Variants in RIC1 observed in about 807,000 individuals in gnomAD.
RIC1 encodes guanine nucleotide exchange factor subunit RIC1.
Under a neutral mutation model 169.0 loss-of-function variants are expected in RIC1, and 88 were observed. That is an observed-to-expected ratio of 0.52 (90% CI 0.44 to 0.62). The LOEUF (loss-of-function observed/expected upper bound fraction) is 0.62, where lower values mean the gene tolerates loss of function less well. Among genes scored for constraint, RIC1 ranks in the 20% least tolerant of loss-of-function variants. RIC1 has a pLI of 0.00. For missense variants in RIC1, 1,877 were observed against 1,725.5 expected, an observed-to-expected ratio of 1.09 and a Z score of -1.56; for synonymous variants, 790 against 601.5, an observed-to-expected ratio of 1.31 and a Z score of -4.59.
chr9:5,774,742 G>A lies in RIC1; in HGVS notation c.*496G>A, dbSNP rs973208605. 2.0e-5 allele frequency: 3 copies of A among 152,664 alleles called. No homozygotes were observed. The highest frequency in any genetic ancestry group is 2.0e-4 in the Admixed American group (3 of 15,360). The allele number at this position is 152,664 out of a possible 1,614,324, so 9.5% of individuals were successfully genotyped here. ...GTCCTCCTGAATAGATTGCTACCCTGGGGCACAATATGTGCCAGTGTGATG... is the reference window on the plus strand; with the variant it reads ...GTCCTCCTGAATAGATTGCTACCCTAGGGCACAATATGTGCCAGTGTGATG... On this transcript the variant is annotated 3_prime_UTR_variant, in exon 26 of 26. Coordinates refer to ENST00000414202, the MANE Select transcript of RIC1 (RefSeq NM_020829.4).
At chr9:5,752,165 A>T (rs1479001790) in intron 12 of RIC1, among the ~76,000 whole-genome samples, 1 of 152,218 alleles carries the variant, frequency 6.6e-6, no homozygotes. Context: ...TGTTAGGGTG[A>T]TACAAAGACA....
chr9:5,722,757 T>C (rs1335239887), intron 6 of RIC1, among the ~76,000 whole-genome samples: 1 of 151,992 alleles, frequency 6.6e-6, no homozygotes, highest in Non-Finnish European at 1.5e-5. Context: ...CCACCTTGTG[T>C]CCAAGTGTTC....
intron 2 of RIC1, among the ~76,000 whole-genome samples, chr9:5,688,523 A>G (rs142948399): frequency 6.6e-6 from 1 of 152,158 alleles, no homozygotes; most frequent in East Asian, 1.9e-4. Context: ...TTTTGCTTCC[A>G]TACTCTCCAT....
At chr9:5,768,813 CGGA>C (rs1268910293) in intron 21 of RIC1, among the ~76,000 whole-genome samples, 154 bp from the exon 22 acceptor site, 2 of 152,142 alleles carry the variant, frequency 1.3e-5, no homozygotes, top group African/African-American at 4.8e-5. Context: ...TGGTGTAACA[CGGA>C]GGAGAAGCGT....
intron 2 of RIC1, among the ~76,000 whole-genome samples, chr9:5,682,745 G>T (rs532637897): frequency 3.2e-4 from 48 of 152,346 alleles, no homozygotes; most frequent in African/African-American, 1.1e-3. Context: ...ATAATATCCT[G>T]CAGAGTGTTT....
At chr9:5,773,120 C>G in intron 25 of RIC1, 40 bp downstream of exon 25, 3 of 1,392,378 alleles carry the variant, frequency 2.2e-6, no homozygotes, top group Non-Finnish European at 1.9e-6. Context: ...CCTTCCATGT[C>G]TTTTGGTGAA....
chr9:5,749,115 T>C (rs2131013025), intron 12 of RIC1, among the ~76,000 whole-genome samples: 1 of 152,354 alleles, frequency 6.6e-6, no homozygotes, highest in South Asian at 2.1e-4. Context: ...AGAAGTTATA[T>C]GACTTGTCCA....
intron 2 of RIC1, among the ~76,000 whole-genome samples, chr9:5,676,717 C>T (rs766714953): frequency 1.3e-5 from 2 of 152,184 alleles, no homozygotes; most frequent in Non-Finnish European, 2.9e-5. Context: ...AGAATCCCCA[C>T]CTCTCTCAAA....
At chr9:5,739,003 G>A (rs1824905811) in intron 8 of RIC1, among the ~76,000 whole-genome samples, 1 of 152,092 alleles carries the variant, frequency 6.6e-6, no homozygotes, top group Non-Finnish European at 1.5e-5. Flanking sequence ...TTGTAGTTGA[G>A]TGACTGAGGT....
chr9:5,680,815 ATTTTTTTT>A (rs66478510), intron 2 of RIC1, among the ~76,000 whole-genome samples: 44 of 57,758 alleles, frequency 7.6e-4, no homozygotes, highest in African/African-American at 2.2e-3. Flanking sequence ...GCAGTCATTG[ATTTTTTTT>A]TTTTTTTTTT....
chr9:5,631,561 C>G (rs988370406), intron 1 of RIC1, among the ~76,000 whole-genome samples: 11 of 151,972 alleles, frequency 7.2e-5, no homozygotes, highest in African/African-American at 2.4e-4. Flanking sequence ...GTGGTGCACG[C>G]CTATAGCCCC....
At chr9:5,677,355 C>T (rs1042442123) in intron 2 of RIC1, among the ~76,000 whole-genome samples, 2 of 152,106 alleles carry the variant, frequency 1.3e-5, no homozygotes, top group East Asian at 1.9e-4. Flanking sequence ...AAATCTTTTG[C>T]CCATTTTTTT....
intron 16 of RIC1, among the ~76,000 whole-genome samples, chr9:5,756,762 C>A (rs1044224471): frequency 6.6e-6 from 1 of 152,176 alleles, no homozygotes; most frequent in Non-Finnish European, 1.5e-5. Context: ...AGCAAACTGA[C>A]TTATATTTCC....
chr9:5,658,355 T>G (rs1397185598), intron 2 of RIC1, among the ~76,000 whole-genome samples: 4 of 152,052 alleles, frequency 2.6e-5, no homozygotes, highest in African/African-American at 9.7e-5. Flanking sequence ...ATTAAAAAAT[T>G]TAGCACAGAA....
At position 5,631,006 on chromosome 9, in the gene RIC1, C is replaced by G. The variant is rs757880028; in HGVS notation, c.144+1553C>G. Among the ~76,000 whole-genome samples, 78 of 152,028 alleles carry G rather than the reference C, an allele frequency of 5.1e-4. 1 individual carries two copies. Among genetic ancestry groups the G allele is most frequent in the Non-Finnish European group, 1.1e-3 (74 of 67,994 alleles). ...TCGTCTAAAATTTAACTTTTCTTAC[C>G]TTTAAAAAGGCAGACCTAACTTAAT... On this transcript the variant is annotated intron_variant, in intron 1 of 25. Transcript: ENST00000414202.
chr9:5,733,609 C>A (rs1323117835), intron 7 of RIC1, among the ~76,000 whole-genome samples: 1 of 152,032 alleles, frequency 6.6e-6, no homozygotes, highest in Non-Finnish European at 1.5e-5. Flanking sequence ...ACTTTCATTA[C>A]ACTCTTAATA....
chr9:5,768,681 CCTTT>C (rs753185718), intron 21 of RIC1, among the ~76,000 whole-genome samples: 25 of 152,256 alleles, frequency 1.6e-4, no homozygotes, highest in African/African-American at 4.6e-4. Context: ...AGGTTTGCTG[CCTTT>C]CTTTCTGTCA....
chr9:5,685,023 G>T (rs1375999362), intron 2 of RIC1, among the ~76,000 whole-genome samples: 1 of 151,608 alleles, frequency 6.6e-6, no homozygotes, highest in African/African-American at 2.4e-5. Flanking sequence ...ATTTGGTTGT[G>T]ATGTTTTTTT....
chr9:5,654,377 G>C (rs1818967191), intron 1 of RIC1, among the ~76,000 whole-genome samples: 1 of 152,176 alleles, frequency 6.6e-6, no homozygotes, highest in South Asian at 2.1e-4. Context: ...CTCCCGAGTA[G>C]CTGGGATTAC....
Sources: allele counts gnomAD v4.1 joint callset (sites outside exome capture counted in the v4.1 genomes callset), GRCh38; gene constraint gnomAD v4.1.1; transcripts MANE v1.5; gene names NCBI Gene and HGNC (gene_info 2026-07-23, HGNC 2026-07-21).